The following GPR89B variants were observed in gnomAD, a reference collection of about 807,000 sequenced individuals.
GPR89B encodes G protein-coupled receptor 89B.
A neutral mutation model predicts 52.4 loss-of-function variants in GPR89B; 25 were observed. The observed-to-expected ratio is 0.48, with a 90% CI of 0.35 to 0.67. The LOEUF (loss-of-function observed/expected upper bound fraction) is 0.67, where lower values mean the gene tolerates loss of function less well. Ranked by LOEUF, GPR89B falls within the 30% of genes least tolerant of loss-of-function variation. The pLI, the probability that GPR89B is intolerant of heterozygous loss-of-function variation, is 0.01. For missense variants in GPR89B, 146 were observed against 450.2 expected, an observed-to-expected ratio of 0.32 and a Z score of 6.11; for synonymous variants, 52 against 151.2, an observed-to-expected ratio of 0.34 and a Z score of 4.81.
downstream of GPR89B, among the ~76,000 whole-genome samples, chr1:147,996,976 G>A (rs1399344836): frequency 6.6e-6 from 1 of 151,342 alleles, no homozygotes; most frequent in East Asian, 1.9e-4. Context: ...ATGCACACAT[G>A]AACATAAAAG....
chr1:147,952,724 C>T (rs1571261325), intron 5 of GPR89B, among the ~76,000 whole-genome samples: 1 of 151,968 alleles, frequency 6.6e-6, no homozygotes, highest in African/African-American at 2.4e-5. Context: ...TTTATTTTAA[C>T]TGCTAAGTTG....
chr1:147,971,079 A>T (rs1225700243), intron 10 of GPR89B, among the ~76,000 whole-genome samples: 2 of 151,704 alleles, frequency 1.3e-5, no homozygotes, highest in Non-Finnish European at 2.9e-5. Context: ...GTGGGAGATA[A>T]TGAATGAAGA....
chr1:147,995,649 T>C (rs1487187235), downstream of GPR89B: 1 of 1,609,368 alleles, frequency 6.2e-7, no homozygotes, highest in South Asian at 1.1e-5. Flanking sequence ...ATTCCTTCTT[T>C]AGAATCTGGA....
chr1:148,004,337 T>G, the GPR89B span, among the ~76,000 whole-genome samples: 2 of 141,740 alleles, frequency 1.4e-5, no homozygotes, highest in African/African-American at 3.1e-5. Flanking sequence ...TTTTTTTTTT[T>G]TGTATTTTTA....
the GPR89B span, among the ~76,000 whole-genome samples, chr1:148,025,071 A>G: frequency 4.9e-4 from 74 of 151,992 alleles, no homozygotes; most frequent in Admixed American, 1.6e-3. Context: ...CCCCGCCCCC[A>G]GTTAATAAAA....
rs1164801490 is a variant in GPR89B, at chr1:147,950,388, G to A, written c.416-2957G>A. Among the ~76,000 whole-genome samples, 82 of 150,996 alleles carry A rather than the reference G, an allele frequency of 5.4e-4. 1 individual carries two copies. Among genetic ancestry groups the A allele is most frequent in the African/African-American group, 1.9e-3 (79 of 41,058 alleles). On this transcript the variant is annotated intron_variant, in intron 5 of 13. Coordinates refer to ENST00000314163, the MANE Select transcript of GPR89B (RefSeq NM_016334.5). Reference sequence around the variant, plus strand: ...TCCTAGATGGGATGGCGGCCGGGAAGAGGCGCTCCTCACTTCCTAGATGGT... The same window carrying A: ...TCCTAGATGGGATGGCGGCCGGGAAAAGGCGCTCCTCACTTCCTAGATGGT...
In GPR89B at chr1:147,993,007, A is replaced by G. The variant is rs1360818645; in HGVS notation, c.*90A>G. 4.7e-6 allele frequency: 7 copies of G among 1,502,562 alleles called. No homozygotes were observed. Among genetic ancestry groups the G allele is most frequent in the Non-Finnish European group, 6.2e-6 (7 of 1,125,570 alleles). 93.1% of individuals were successfully genotyped at this position (1,502,562 alleles called of 1,614,324 possible). ...AAATGGAACCAGGGCCTGACATTTT[A>G]TAAACAAACAAAATGCTATGGTAGC... On this transcript the variant is annotated 3_prime_UTR_variant, in exon 14 of 14. Transcript: ENST00000314163.
chr1:148,018,192 G>C, the GPR89B span, among the ~76,000 whole-genome samples: 6 of 142,862 alleles, frequency 4.2e-5, no homozygotes, highest in Non-Finnish European at 9.1e-5. Flanking sequence ...GCCGAGGCGG[G>C]CGGATCACGA....
rs1167762050 is a variant in GPR89B, at chr1:147,989,700, C to T, written c.1095+1179C>T. ...TGCAGTGTTTGGCTTTTTGTCCTTGCGATAGTTTGCTGAGAATGATGGTTT... is the reference window on the plus strand; with the variant it reads ...TGCAGTGTTTGGCTTTTTGTCCTTGTGATAGTTTGCTGAGAATGATGGTTT... On this transcript the variant is annotated intron_variant, in intron 12 of 13. Coordinates refer to ENST00000314163, the MANE Select transcript of GPR89B (RefSeq NM_016334.5). Among the ~76,000 whole-genome samples the T allele has an allele frequency of 9.1e-4, 138 of 152,042 alleles. 2 individuals are homozygous for T. Among genetic ancestry groups the T allele is most frequent in the Middle Eastern group, 3.4e-3 (1 of 292 alleles).
chr1:148,004,062 G>C, the GPR89B span: 1 of 427,698 alleles, frequency 2.3e-6, no homozygotes, highest in South Asian at 2.6e-5. Context: ...CTGTATAAAG[G>C]CACACAGTCT....
the GPR89B span, among the ~76,000 whole-genome samples, chr1:148,006,667 T>C: frequency 3.4e-4 from 52 of 152,084 alleles, no homozygotes; most frequent in African/African-American, 1.3e-3. Context: ...CAGTATTTTT[T>C]CTTTCCTTAT....
the GPR89B span, among the ~76,000 whole-genome samples, chr1:148,018,337 T>A: frequency 7.0e-6 from 1 of 143,150 alleles, no homozygotes; most frequent in African/African-American, 2.7e-5. Flanking sequence ...GAGAATGGCA[T>A]GAACCTGGGA....
chr1:147,980,956 G>C (rs1402202074), intron 10 of GPR89B, among the ~76,000 whole-genome samples: 1 of 149,846 alleles, frequency 6.7e-6, no homozygotes, highest in Non-Finnish European at 1.5e-5. Context: ...CCCTATTCTG[G>C]ATGTTTCATA....
the GPR89B span, chr1:148,012,107 A>G: frequency 6.6e-6 from 1 of 152,084 alleles, no homozygotes; most frequent in African/African-American, 2.4e-5. Context: ...GTCTTTCTAT[A>G]TTTTGAGTAT....
intron 5 of GPR89B, among the ~76,000 whole-genome samples, chr1:147,950,088 C>T (rs1392798732): frequency 6.6e-6 from 1 of 151,572 alleles, no homozygotes; most frequent in Non-Finnish European, 1.5e-5. Flanking sequence ...CCCCCACCTC[C>T]CTCCCGGACG....
chr1:147,958,794 T>C (rs1656319432), intron 7 of GPR89B, among the ~76,000 whole-genome samples: 1 of 152,028 alleles, frequency 6.6e-6, no homozygotes, highest in Admixed American at 6.6e-5. Flanking sequence ...CAGGAATGGT[T>C]TGTGGTCCGA....
chr1:147,930,258 G>C (rs1476249028), intron 1 of GPR89B, among the ~76,000 whole-genome samples: 1 of 152,172 alleles, frequency 6.6e-6, no homozygotes, highest in African/African-American at 2.4e-5. Flanking sequence ...TCTCTGTTCA[G>C]ATATTTATGT....
At chr1:147,949,874 G>A (rs1276193063) in intron 5 of GPR89B, among the ~76,000 whole-genome samples, 3 of 137,816 alleles carry the variant, frequency 2.2e-5, no homozygotes, top group Non-Finnish European at 4.7e-5. Flanking sequence ...AGGGGCGGCC[G>A]GGCAGAGGCG....
chr1:147,962,624 C>T (rs2784423), intron 7 of GPR89B, among the ~76,000 whole-genome samples: 4 of 151,990 alleles, frequency 2.6e-5, no homozygotes, highest in South Asian at 4.1e-4. Flanking sequence ...ACGCCAGGCG[C>T]GGTGGCTCAT....
Sources: allele counts gnomAD v4.1 joint callset (sites outside exome capture counted in the v4.1 genomes callset), GRCh38; gene constraint gnomAD v4.1.1; transcripts MANE v1.5; gene names NCBI Gene and HGNC (gene_info 2026-07-23, HGNC 2026-07-21).